The following MID1IP1 variants were observed in gnomAD, a reference collection of about 807,000 sequenced individuals.
The protein encoded by MID1IP1 is MID1 interacting protein 1.
A neutral mutation model predicts 6.8 loss-of-function variants in MID1IP1; 3 were observed. The ratio of observed to expected loss-of-function variants is 0.44; its 90% CI spans 0.20 to 1.14. The LOEUF is 1.14. Ranked by LOEUF, MID1IP1 falls within the 50% of genes most tolerant of loss-of-function variation. The probability of loss-of-function intolerance (pLI) is 0.26; values close to 1 mark genes in which losing one functional copy is unlikely to be tolerated. For missense variants in MID1IP1, 127 were observed against 158.4 expected (o/e 0.80, Z 1.06); for synonymous variants, 87 against 70.4 (o/e 1.24, Z -1.18).
At chrX:38,802,299 G>C (rs989230267) in intron 1 of MID1IP1, among the ~76,000 whole-genome samples, 4 of 112,643 alleles carry the variant, frequency 3.6e-5, no homozygotes. Context: ...TGTGTGCAGA[G>C]AAGGAAGGTG....
chrX:38,805,073 C>T lies in MID1IP1; in HGVS notation c.127C>T (p.Leu43=). 8.3e-7 allele frequency: 1 copy of T among 1,211,889 alleles called. No homozygotes were observed. Among genetic ancestry groups the T allele is most frequent in the Non-Finnish European group, 1.1e-6 (1 of 895,369 alleles). The change falls in exon 3 of 3, where the codon CTG becomes TTG. Residue 43 remains leucine, a synonymous_variant. Transcript: ENST00000614558. ...GCCCAGCTTGCTGCGCGACGTGCCC[C>T]TGGCTGACCCCGGGTTAGACAACGA... The part of the protein sequence containing the change: ...MVPSLLRDVP[L]ADPGLDNDVG...
Position 38,805,818 on chromosome X carries a change from C to A in MID1IP1, c.*320C>A. On this transcript the variant is annotated 3_prime_UTR_variant, in exon 3 of 3. Transcript: ENST00000614558. ...CCTGGGGTTTCTTTTCTGTTCTTTTCGGAGGAGAGGGCCCGAGAAGGGGCC... is the reference window on the plus strand; with the variant it reads ...CCTGGGGTTTCTTTTCTGTTCTTTTAGGAGGAGAGGGCCCGAGAAGGGGCC... 1 of 274,019 alleles carries A rather than the reference C, an allele frequency of 3.6e-6. No homozygotes were observed. Among genetic ancestry groups the A allele is most frequent in the South Asian group, 7.5e-5 (1 of 13,391 alleles). 22.6% of individuals were successfully genotyped at this position (274,019 alleles called of 1,213,427 possible).
chrX:38,805,165 G>C lies in MID1IP1; in HGVS notation c.219G>C (p.Ser73=). 8.3e-7 allele frequency: 1 copy of C among 1,210,454 alleles called. No homozygotes were observed. Among genetic ancestry groups the C allele is most frequent in the African/African-American group, 1.7e-5 (1 of 57,707 alleles). ...LEERTPPVPD[S]GSANGSFFAP... Reference sequence around the variant, plus strand: ...AGCGCACGCCCCCAGTCCCCGACTCGGGAAGCGCCAATGGCAGCTTTTTCG... The same window carrying C: ...AGCGCACGCCCCCAGTCCCCGACTCCGGAAGCGCCAATGGCAGCTTTTTCG... The change falls in exon 3 of 3, where the codon TCG becomes TCC. Residue 73 remains serine, a synonymous_variant. Transcript: ENST00000614558.
rs2070452810 is a variant in MID1IP1, at chrX:38,801,504, TCTGGGGGAG to T, written c.-2144+23_-2144+31del. On this transcript the variant is annotated intron_variant, in intron 1 of 2. Transcript: ENST00000614558. The stretch of plus-strand genomic sequence containing the variant: ...CCGGCGGGTGTGAGTTGTTGCGGGG[TCTGGGGGAG>T]CTGGGAGGCCCGGTTTGGGAAGTTT... 1.8e-5 allele frequency: 2 copies of T among 111,018 alleles called. No individual in the cohort carries two copies. The highest frequency in any genetic ancestry group is 1.9e-4 in the Admixed American group (2 of 10,503). The allele number at this position is 111,018 out of a possible 1,213,427, so 9.1% of individuals were successfully genotyped here.
In MID1IP1 at chrX:38,804,031, TCTGCCCTGCC is replaced by T. The variant is rs911188429; in HGVS notation, c.-638_-629del. 2.6e-5 allele frequency: 3 copies of T among 113,797 alleles called. No individual in the cohort carries two copies. The highest frequency in any genetic ancestry group is 6.4e-5 in the African/African-American group (2 of 31,133). 9.4% of individuals were successfully genotyped at this position (113,797 alleles called of 1,213,427 possible). On this transcript the variant is annotated 5_prime_UTR_variant, in exon 2 of 3. It removes the in-frame stop codon of an upstream open reading frame in the 5' UTR. Transcript: ENST00000614558. Reference sequence around the variant, plus strand: ...GCTGCTCCAATCCCTCCTCCTCTGCTCTGCCCTGCCCTGCCCTGGCCTGCCCCGGCGCCCT... The same window carrying T: ...GCTGCTCCAATCCCTCCTCCTCTGCTCTGCCCTGGCCTGCCCCGGCGCCCT...
chrX:38,802,382 T>C (rs2070464259), intron 1 of MID1IP1, among the ~76,000 whole-genome samples, 153 bp from the exon 2 acceptor site: 1 of 112,364 alleles, frequency 8.9e-6, no homozygotes, highest in Admixed American at 9.4e-5. Context: ...TGATCTTCCT[T>C]CAAAACCCTG....
At position 38,805,566 on chromosome X, in the gene MID1IP1, T is replaced by TG; in HGVS notation, c.*68_*69insG. 1.4e-6 allele frequency: 1 copy of TG among 732,412 alleles called. No individual in the cohort carries two copies. The highest frequency in any genetic ancestry group is 4.6e-5 in the East Asian group (1 of 21,528). The allele number at this position is 732,412 out of a possible 1,213,427, so 60.4% of individuals were successfully genotyped here. A position where few individuals can be genotyped will look rare whatever the true frequency, so the allele number is the denominator to read the frequency against. ...TCACCCTCTCTCATTCCTCAAAGCT[T>TG]TTTTTTTTTTTCCTGGCTGGGGGGC... is the stretch of plus-strand genomic sequence containing the variant. On this transcript the variant is annotated 3_prime_UTR_variant, in exon 3 of 3. Transcript: ENST00000614558.
intron 1 of MID1IP1, chrX:38,801,745 C>T (rs1352194632): frequency 9.0e-6 from 1 of 111,233 alleles, no homozygotes; most frequent in Non-Finnish European, 1.9e-5. Context: ...AATCCTTTTG[C>T]TAGATCCCTT....
intron 1 of MID1IP1, chrX:38,801,864 G>C (rs1311852284): frequency 8.9e-6 from 1 of 111,927 alleles, no homozygotes; most frequent in Non-Finnish European, 1.9e-5. Flanking sequence ...GTTTTCATCC[G>C]GGTGCATACG....
At position 38,804,806 on chromosome X, in the gene MID1IP1, G is replaced by C. The variant is rs1246640413; in HGVS notation, c.-141G>C. The C allele has an allele frequency of 8.1e-6, 5 of 621,016 alleles. No individual in the cohort carries two copies. Among genetic ancestry groups the C allele is most frequent in the Admixed American group, 4.1e-5 (1 of 24,280 alleles). The allele number at this position is 621,016 out of a possible 1,213,427, so 51.2% of individuals were successfully genotyped here. On this transcript the variant is annotated 5_prime_UTR_variant, in exon 3 of 3. Coordinates refer to ENST00000614558, the MANE Select transcript of MID1IP1 (RefSeq NM_021242.6). ...GACGAGAGTTGGCGAGGGCGGAGGAGTGCCGGGAATCCCGCCACACCGGCT... is the reference window on the plus strand; with the variant it reads ...GACGAGAGTTGGCGAGGGCGGAGGACTGCCGGGAATCCCGCCACACCGGCT...
rs745321576 is a variant in MID1IP1 at position 38,805,533 on chromosome X, G to C, written c.*35G>C. On this transcript the variant is annotated 3_prime_UTR_variant, in exon 3 of 3. Transcript: ENST00000614558. ...CCCGTGGCTGCCCAGCACCTTCTTCGACCCATCTCACCCTCTCTCATTCCT... is the reference window on the plus strand; with the variant it reads ...CCCGTGGCTGCCCAGCACCTTCTTCCACCCATCTCACCCTCTCTCATTCCT... 2 of 1,138,282 alleles carry C rather than the reference G, an allele frequency of 1.8e-6. No homozygotes were observed. Among genetic ancestry groups the C allele is most frequent in the African/African-American group, 3.7e-5 (2 of 54,153 alleles). The allele number at this position is 1,138,282 out of a possible 1,213,427, so 93.8% of individuals were successfully genotyped here. A position where few individuals can be genotyped will look rare whatever the true frequency, so the allele number is the denominator to read the frequency against.
Position 38,805,105 on chromosome X carries a change from C to G in MID1IP1, c.159C>G (p.Gly53=), listed in dbSNP as rs150829317. The change falls in exon 3 of 3, where the codon GGC becomes GGG. Residue 53 remains glycine (G), a synonymous_variant. Transcript: ENST00000614558. ...ACCCCGGGTTAGACAACGATGTTGG[C>G]GTGGAGGTAGGCGGCAGTGGCGGCT... The part of the protein sequence containing the change: ...LADPGLDNDV[G]VEVGGSGGCL... 27 of 1,209,364 alleles carry G rather than the reference C, an allele frequency of 2.2e-5. No individual in the cohort carries two copies. The African/African-American group carries it at 3.8e-4, about 17-fold the overall frequency.
Position 38,805,555 on chromosome X carries a change from T to C in MID1IP1, c.*57T>C. 1 of 999,764 alleles carries C rather than the reference T, an allele frequency of 1.0e-6. No individual in the cohort carries two copies. The highest frequency in any genetic ancestry group is 1.4e-6 in the Non-Finnish European group (1 of 737,340). 82.4% of individuals were successfully genotyped at this position (999,764 alleles called of 1,213,427 possible). ...TTCGACCCATCTCACCCTCTCTCAT[T>C]CCTCAAAGCTTTTTTTTTTTTTCCT... is the stretch of plus-strand genomic sequence containing the variant. On this transcript the variant is annotated 3_prime_UTR_variant, in exon 3 of 3. Coordinates refer to ENST00000614558, the MANE Select transcript of MID1IP1 (RefSeq NM_021242.6).
chrX:38,804,707 C>T lies in MID1IP1; in HGVS notation c.-240C>T. The T allele has an allele frequency of 2.5e-6, 1 of 397,225 alleles. No homozygotes were observed. The highest frequency in any genetic ancestry group is 4.4e-6 in the Non-Finnish European group (1 of 228,211). 32.7% of individuals were successfully genotyped at this position (397,225 alleles called of 1,213,427 possible). On this transcript the variant is annotated 5_prime_UTR_variant, in exon 3 of 3. Coordinates refer to ENST00000614558, the MANE Select transcript of MID1IP1 (RefSeq NM_021242.6). ...GGCCAGGGCTCGACCCACAGAGCAC[C>T]CTCAGCCATCGCGAGTTTCCGGGCG... is the stretch of plus-strand genomic sequence containing the variant.
In MID1IP1 at chrX:38,803,639, A is replaced by T. The variant is rs1376715233; in HGVS notation, c.-1039A>T. 1.8e-5 allele frequency: 2 copies of T among 113,094 alleles called. No individual in the cohort carries two copies. The highest frequency in any genetic ancestry group is 3.7e-5 in the Non-Finnish European group (2 of 53,395). The allele number at this position is 113,094 out of a possible 1,213,427, so 9.3% of individuals were successfully genotyped here. ...GCTCCCCTCCCCCCATAGCTGACCAAGGCCAGGGCCACTGCGGGAGCACCG... is the reference window on the plus strand; with the variant it reads ...GCTCCCCTCCCCCCATAGCTGACCATGGCCAGGGCCACTGCGGGAGCACCG... On this transcript the variant is annotated 5_prime_UTR_variant, in exon 2 of 3. It adds an upstream start codon to the 5' untranslated region. Coordinates refer to ENST00000614558, the MANE Select transcript of MID1IP1 (RefSeq NM_021242.6).
chrX:38,801,902 A>AGG (rs1191116819), intron 1 of MID1IP1: 112 of 112,370 alleles, frequency 1.0e-3, no homozygotes, highest in African/African-American at 3.5e-3. Flanking sequence ...GGGTCCAGGA[A>AGG]GGGGGACAAA....
rs765451012 is a variant in MID1IP1, at chrX:38,805,926, C to T, written c.*428C>T. The T allele has an allele frequency of 4.0e-5, 6 of 148,372 alleles. No individual in the cohort carries two copies. In the South Asian group the frequency reaches 1.3e-3, roughly 32 times the overall value. The allele number at this position is 148,372 out of a possible 1,213,427, so 12.2% of individuals were successfully genotyped here. On this transcript the variant is annotated 3_prime_UTR_variant, in exon 3 of 3. Transcript: ENST00000614558. ...TGGGGAAGGCGGGGCGCGTAGCCTCCCGCCGCCCTGCGGTTGGGCCGGTGG... is the reference window on the plus strand; with the variant it reads ...TGGGGAAGGCGGGGCGCGTAGCCTCTCGCCGCCCTGCGGTTGGGCCGGTGG...
Position 38,805,346 on chromosome X carries a change from G to T in MID1IP1, c.400G>T (p.Glu134Ter). 1 of 1,209,689 alleles carries T rather than the reference G, an allele frequency of 8.3e-7. No homozygotes were observed. The change falls in exon 3 of 3, where the codon GAG (glutamate) becomes TAG (stop). Residue 134 changes from glutamate (E) to a stop codon, truncating the protein, a stop_gained. Transcript: ENST00000614558. LOFTEE classifies it high-confidence loss of function. ...KDILVDLGHL[E>*]GADAGEEDLE... ...CATCCTGGTGGACCTGGGCCACTTGGAGGGTGCGGACGCCGGCGAAGAAGA... is the reference window on the plus strand; with the variant it reads ...CATCCTGGTGGACCTGGGCCACTTGTAGGGTGCGGACGCCGGCGAAGAAGA...
rs1474342861 is a variant in MID1IP1 at position 38,803,758 on chromosome X, G to C, written c.-920G>C. The C allele has an allele frequency of 2.7e-5, 3 of 112,698 alleles. No individual in the cohort carries two copies. The highest frequency in any genetic ancestry group is 3.8e-5 in the Non-Finnish European group (2 of 53,299). 9.3% of individuals were successfully genotyped at this position (112,698 alleles called of 1,213,427 possible). A position where few individuals can be genotyped will look rare whatever the true frequency, so the allele number is the denominator to read the frequency against. On this transcript the variant is annotated 5_prime_UTR_variant, in exon 2 of 3. Transcript: ENST00000614558. ...CTGCTGCCGGCCCCTCTTCCCCGAC[G>C]GCTAATAATAAACCCGGGTTCCTGT...
Sources: allele counts gnomAD v4.1 joint callset (sites outside exome capture counted in the v4.1 genomes callset), GRCh38; gene constraint gnomAD v4.1.1; transcripts MANE v1.5; gene names NCBI Gene and HGNC (gene_info 2026-07-23, HGNC 2026-07-21).